Variants in ADARB2 observed in about 807,000 individuals in gnomAD.
ADARB2 encodes the protein adenosine deaminase RNA specific B2 (inactive), also known as inactive double-stranded RNA-specific editase B2.
A neutral mutation model predicts 62.2 loss-of-function variants in ADARB2; 25 were observed. That is an observed-to-expected ratio of 0.40 (90% CI 0.29 to 0.56). The LOEUF (loss-of-function observed/expected upper bound fraction) is 0.56, where lower values mean the gene tolerates loss of function less well. ADARB2 is among the 20% of genes least tolerant of loss of function. The probability of loss-of-function intolerance (pLI) is 0.43; values close to 1 mark genes in which losing one functional copy is unlikely to be tolerated. For missense variants in ADARB2, 1,071 were observed against 1,077.4 expected, an observed-to-expected ratio of 0.99 and a Z score of 0.08; for synonymous variants, 572 against 500.8, an observed-to-expected ratio of 1.14 and a Z score of -1.90.
chr10:1,365,778 C>G (rs1354767816), intron 2 of ADARB2, among the ~76,000 whole-genome samples: 2 of 152,196 alleles, frequency 1.3e-5, no homozygotes, highest in African/African-American at 4.8e-5. Flanking sequence ...CCTAGAGAAA[C>G]CTTCATACAC....
At chr10:1,590,438 T>C (rs142707224) in intron 1 of ADARB2, among the ~76,000 whole-genome samples, 1 of 152,332 alleles carries the variant, frequency 6.6e-6, no homozygotes, top group East Asian at 1.9e-4. Context: ...TTATGAATAA[T>C]ATATCCACAT....
chr10:1,225,055 G>C lies in ADARB2; in HGVS notation c.1514-7936C>G, dbSNP rs373233479. On this transcript the variant is annotated intron_variant, in intron 6 of 9. Coordinates refer to ENST00000381312, the MANE Select transcript of ADARB2 (RefSeq NM_018702.4). The stretch of plus-strand genomic sequence containing the variant: ...ATTATTATTGTGTGGGAGTCTAAGT[G>C]TCTTTGTAGGTCTCTAAGGACTTGC... Among the ~76,000 whole-genome samples the C allele has an allele frequency of 4.8e-3, 726 of 150,836 alleles. 5 individuals carry two copies. The highest frequency in any genetic ancestry group is 0.017 in the African/African-American group (679 of 40,250).
At chr10:1,626,217 C>G (rs1833766672) in intron 1 of ADARB2, among the ~76,000 whole-genome samples, 1 of 148,254 alleles carries the variant, frequency 6.7e-6, no homozygotes, top group African/African-American at 2.5e-5. Flanking sequence ...CCTGCATGGA[C>G]ACAGGCCTCC....
At chr10:1,531,689 T>C (rs1482657492) in intron 1 of ADARB2, among the ~76,000 whole-genome samples, 2 of 152,010 alleles carry the variant, frequency 1.3e-5, no homozygotes, top group Admixed American at 6.6e-5. Context: ...ATACAAAAAT[T>C]AGCTGGATGT....
intron 1 of ADARB2, among the ~76,000 whole-genome samples, chr10:1,580,151 G>A (rs909855746): frequency 8.5e-5 from 13 of 152,258 alleles, no homozygotes; most frequent in East Asian, 3.9e-4. Flanking sequence ...GTACATGTAC[G>A]TGTTTGTTGC....
At chr10:1,663,952 T>G (rs1382960814) in intron 1 of ADARB2, among the ~76,000 whole-genome samples, 1 of 152,194 alleles carries the variant, frequency 6.6e-6, no homozygotes, top group Non-Finnish European at 1.5e-5. Context: ...TATCATTCCC[T>G]GGTCTGAACG....
intron 3 of ADARB2, 53 bp downstream of exon 3, chr10:1,362,975 T>TCCC (rs1434657846): frequency 7.9e-7 from 1 of 1,265,306 alleles, no homozygotes; most frequent in South Asian, 2.6e-5. Context: ...GGTCGGGGTC[T>TCCC]CCCCCGCGCC....
rs1831704768 is a variant in ADARB2, at chr10:1,312,821, ATGCCTG to A, written c.1078-41758_1078-41753del. Among the ~76,000 whole-genome samples, 18 of 152,296 alleles carry A rather than the reference ATGCCTG, an allele frequency of 1.2e-4. No homozygotes were observed. The South Asian group carries it at 3.7e-3, about 32-fold the overall frequency. On this transcript the variant is annotated intron_variant, in intron 3 of 9. Transcript: ENST00000381312. ...GCTGCCATGCAGTGCTCTGTTCCAG[ATGCCTG>A]TGCCTGTGACCCCTCTGCCCATGAG...
At chr10:1,233,200 C>T (rs1830826199) in intron 6 of ADARB2, among the ~76,000 whole-genome samples, 1 of 152,272 alleles carries the variant, frequency 6.6e-6, no homozygotes, top group East Asian at 1.9e-4. Context: ...TGTCTCACCT[C>T]CATCGATAAA....
At chr10:1,455,671 T>C (rs1831087455) in intron 1 of ADARB2, among the ~76,000 whole-genome samples, 1 of 152,210 alleles carries the variant, frequency 6.6e-6, no homozygotes, top group Non-Finnish European at 1.5e-5. Flanking sequence ...ATATTCTTAC[T>C]ACTACTATAT....
At chr10:1,617,603 A>G (rs1223532797) in intron 1 of ADARB2, among the ~76,000 whole-genome samples, 1 of 130,812 alleles carries the variant, frequency 7.6e-6, no homozygotes, top group African/African-American at 3.0e-5. Context: ...TGCCCTGCTG[A>G]GCTCTGCATC....
In ADARB2 at chr10:1,663,409, T is replaced by C. The variant is rs143178611; in HGVS notation, c.100+73642A>G. Among the ~76,000 whole-genome samples the C allele has an allele frequency of 3.7e-3, 566 of 152,270 alleles. 2 individuals are homozygous for C. The highest frequency in any genetic ancestry group is 6.8e-3 in the Middle Eastern group (2 of 294). On this transcript the variant is annotated intron_variant, in intron 1 of 9. Coordinates refer to ENST00000381312, the MANE Select transcript of ADARB2 (RefSeq NM_018702.4). ...GAGCGCTGCTACAGAGCGCTGCCACTCCCGAAACGCCCTCCGTGCTCCGCC... is the reference window on the plus strand; with the variant it reads ...GAGCGCTGCTACAGAGCGCTGCCACCCCCGAAACGCCCTCCGTGCTCCGCC...
chr10:1,566,266 C>T (rs1188528463), intron 1 of ADARB2, among the ~76,000 whole-genome samples: 2 of 152,116 alleles, frequency 1.3e-5, no homozygotes, highest in African/African-American at 2.4e-5. Context: ...CTTTTGTCCC[C>T]GTACCATGTA....
intron 1 of ADARB2, among the ~76,000 whole-genome samples, chr10:1,510,447 G>A (rs1223039339): frequency 6.6e-6 from 1 of 152,232 alleles, no homozygotes; most frequent in South Asian, 2.1e-4. Flanking sequence ...ATCCCAAAGT[G>A]TTGGGATGAC....
At chr10:1,385,301 A>T (rs1315270485) in intron 1 of ADARB2, among the ~76,000 whole-genome samples, 1 of 152,206 alleles carries the variant, frequency 6.6e-6, no homozygotes, top group Non-Finnish European at 1.5e-5. Flanking sequence ...ATCAGAAAAA[A>T]ATATAGTCGA....
At chr10:1,403,040 G>C (rs1001510579) in intron 1 of ADARB2, among the ~76,000 whole-genome samples, 23 of 119,712 alleles carry the variant, frequency 1.9e-4, no homozygotes, top group African/African-American at 5.8e-4. Flanking sequence ...AGGTGCGCTC[G>C]TGCGCCTGGA....
At position 1,296,474 on chromosome 10, in the gene ADARB2, G is replaced by A. The variant is rs1250543839; in HGVS notation, c.1078-25405C>T. On this transcript the variant is annotated intron_variant, in intron 3 of 9. Transcript: ENST00000381312. ...CCATAACGTATTCTATGCTTTTCCA[G>A]ACAACTGCCACATTGAGACACCTAA... Among the ~76,000 whole-genome samples the A allele has an allele frequency of 2.0e-5, 3 of 152,146 alleles. No homozygotes were observed. The East Asian group carries it at 5.8e-4, about 29-fold the overall frequency.
chr10:1,693,891 G>A (rs1834703847), intron 1 of ADARB2, among the ~76,000 whole-genome samples: 1 of 152,200 alleles, frequency 6.6e-6, no homozygotes, highest in East Asian at 1.9e-4. Context: ...CAGATGGGCA[G>A]GCTGGTCATA....
chr10:1,363,622 C>T lies in ADARB2; in HGVS notation c.483G>A (p.Glu161=). 6.2e-7 allele frequency: 1 copy of T among 1,604,780 alleles called. No individual in the cohort carries two copies. The highest frequency in any genetic ancestry group is 8.5e-7 in the Non-Finnish European group (1 of 1,175,790). Reference sequence around the variant, plus strand: ...TGCCCTCGAACGTGAGCCCGTTCACCTCCACCGCTACCGCGAAGACCGGGG... The same window carrying T: ...TGCCCTCGAACGTGAGCCCGTTCACTTCCACCGCTACCGCGAAGACCGGGG... ...VHAPVFAVAV[E]VNGLTFEGTG... Residue 161 remains glutamate (E), a synonymous_variant, in exon 3 of 10, where the codon GAG becomes GAA. Transcript: ENST00000381312.
Sources: gnomAD v4.1 joint callset for allele counts (sites outside exome capture counted in the v4.1 genomes callset) on GRCh38, gnomAD v4.1.1 for gene constraint, MANE v1.5 for transcripts, NCBI Gene and HGNC (gene_info 2026-07-23, HGNC 2026-07-21) for gene names.